The following ARFGEF3 variants were observed in gnomAD, a reference collection of about 807,000 sequenced individuals.
ARFGEF3 encodes ARFGEF family member 3, also known as brefeldin A-inhibited guanine nucleotide-exchange protein 3.
Under a neutral mutation model 221.7 loss-of-function variants are expected in ARFGEF3, and 96 were observed. The observed-to-expected ratio is 0.43, with a 90% CI of 0.37 to 0.51. The LOEUF (loss-of-function observed/expected upper bound fraction) is 0.51. Ranked by LOEUF, ARFGEF3 falls within the 20% of genes least tolerant of loss-of-function variation. ARFGEF3 has a pLI of 0.00. For synonymous variants in ARFGEF3, 1,145 were observed against 1,126.8 expected (o/e 1.02, Z -0.32); for missense variants, 2,410 against 2,789.9 (o/e 0.86, Z 3.07).
intron 2 of ARFGEF3, among the ~76,000 whole-genome samples, chr6:138,172,610 G>A (rs1776858965): frequency 6.6e-6 from 1 of 152,166 alleles, no homozygotes; most frequent in African/African-American, 2.4e-5. Flanking sequence ...GCTATAAGAT[G>A]ATAGATGAAA....
At chr6:138,221,256 T>C (rs560731576) in intron 4 of ARFGEF3, among the ~76,000 whole-genome samples, 1 of 152,194 alleles carries the variant, frequency 6.6e-6, no homozygotes, top group Non-Finnish European at 1.5e-5. Context: ...TGATGTCCCA[T>C]TGGTCATTTC....
chr6:138,296,833 C>T lies in ARFGEF3; in HGVS notation c.3526C>T (p.Arg1176Ter), dbSNP rs768617151. The stretch of plus-strand genomic sequence containing the variant: ...AGGAGAAGTTAAATCCACTCAAGAC[C>T]GAAAAAGCGCCCTCCACCTGTTCCG... ...MPGEVKSTQD[R>*]KSALHLFRLG... The change falls in exon 21 of 34, where the codon CGA (arginine) becomes TGA (stop). Residue 1176 changes from arginine (R) to a stop codon, truncating the protein, a stop_gained. Coordinates refer to ENST00000251691, the MANE Select transcript of ARFGEF3 (RefSeq NM_020340.5). LOFTEE classifies it high-confidence loss of function. The T allele has an allele frequency of 6.2e-7, 1 of 1,613,772 alleles. No homozygotes were observed. Among genetic ancestry groups the T allele is most frequent in the Non-Finnish European group, 8.5e-7 (1 of 1,179,828 alleles).
chr6:138,185,636 G>C (rs6915323), intron 2 of ARFGEF3, among the ~76,000 whole-genome samples: 2,414 of 152,298 alleles, frequency 0.016, 34 homozygotes, highest in Middle Eastern at 0.058. Flanking sequence ...ATATGGAGGA[G>C]AGCTGAGACA....
At chr6:138,311,953 C>T (rs1338045655) in intron 25 of ARFGEF3, among the ~76,000 whole-genome samples, 1 of 152,106 alleles carries the variant, frequency 6.6e-6, no homozygotes, top group African/African-American at 2.4e-5. Flanking sequence ...GTCAGGAGTT[C>T]AAGACCAGCC....
At chr6:138,178,572 G>C (rs186354124) in intron 2 of ARFGEF3, among the ~76,000 whole-genome samples, 11 of 152,090 alleles carry the variant, frequency 7.2e-5, no homozygotes, top group Non-Finnish European at 1.5e-4. Context: ...CATCAACCAC[G>C]TTGGCAGTTG....
intron 10 of ARFGEF3, among the ~76,000 whole-genome samples, chr6:138,260,445 T>A (rs767247753): frequency 4.6e-5 from 7 of 152,204 alleles, no homozygotes; most frequent in Non-Finnish European, 1.0e-4. Context: ...ACTTGACATT[T>A]TCTATAGACT....
chr6:138,328,637 C>G (rs2114691128), intron 32 of ARFGEF3, among the ~76,000 whole-genome samples: 1 of 152,094 alleles, frequency 6.6e-6, no homozygotes, highest in African/African-American at 2.4e-5. Context: ...TCTGAGGTAC[C>G]AGGGGTTAGG....
intron 26 of ARFGEF3, among the ~76,000 whole-genome samples, chr6:138,315,653 C>T (rs1042431890): frequency 4.6e-5 from 7 of 152,064 alleles, no homozygotes; most frequent in Admixed American, 1.3e-4. Context: ...AGTTCAAGAC[C>T]AGCCTGGCCA....
Position 138,261,537 on chromosome 6 carries a change from GC to G in ARFGEF3, c.1118del (p.Pro373HisfsTer39). 1 of 1,562,964 alleles carries G rather than the reference GC, an allele frequency of 6.4e-7. No individual in the cohort carries two copies. The highest frequency in any genetic ancestry group is 8.7e-7 in the Non-Finnish European group (1 of 1,152,302). On this transcript the variant is annotated frameshift_variant, in exon 11 of 34. Transcript: ENST00000251691. LOFTEE classifies it high-confidence loss of function. ...AIKIMKEILG[S>X]PQRLCDLAGP... ...ACCTTTTTCTTTAAGATACTTGGGA[GC>G]CCACAGCGTCTCTGTGACTTGGCAG...
chr6:138,280,767 T>C (rs924539145), intron 14 of ARFGEF3, among the ~76,000 whole-genome samples: 1 of 152,044 alleles, frequency 6.6e-6, no homozygotes, highest in Non-Finnish European at 1.5e-5. Context: ...AGAAGAATCA[T>C]TTGAACCCGG....
chr6:138,227,401 T>C (rs1438452460), intron 4 of ARFGEF3, among the ~76,000 whole-genome samples: 1 of 152,218 alleles, frequency 6.6e-6, no homozygotes, highest in East Asian at 1.9e-4. Flanking sequence ...CAAACACTTC[T>C]TCCTAAACCT....
chr6:138,226,721 A>C (rs1778091151), intron 4 of ARFGEF3, among the ~76,000 whole-genome samples: 1 of 152,228 alleles, frequency 6.6e-6, no homozygotes, highest in African/African-American at 2.4e-5. Flanking sequence ...CTCATTATGC[A>C]ATGGAAGTCA....
chr6:138,229,740 C>G (rs773045341), intron 4 of ARFGEF3, 44 bp from the exon 5 acceptor site: 3 of 1,460,796 alleles, frequency 2.1e-6, no homozygotes, highest in Non-Finnish European at 2.9e-6. Context: ...AATTTCCATA[C>G]TGTTAACCCC....
chr6:138,295,587 A>G (rs1490468836), intron 20 of ARFGEF3, among the ~76,000 whole-genome samples: 1 of 150,776 alleles, frequency 6.6e-6, no homozygotes, highest in Non-Finnish European at 1.5e-5. Flanking sequence ...CTGAGATTGC[A>G]CCACTGCACT....
chr6:138,221,880 T>G (rs1185369673), intron 4 of ARFGEF3, among the ~76,000 whole-genome samples: 1 of 152,200 alleles, frequency 6.6e-6, no homozygotes, highest in Non-Finnish European at 1.5e-5. Flanking sequence ...CTAAAAAATC[T>G]CTCAGAATAG....
At chr6:138,227,199 G>A (rs1444198130) in intron 4 of ARFGEF3, among the ~76,000 whole-genome samples, 3 of 152,106 alleles carry the variant, frequency 2.0e-5, no homozygotes, top group Non-Finnish European at 4.4e-5. Flanking sequence ...GTTGTTGCAG[G>A]GAGGTCTCCC....
intron 12 of ARFGEF3, among the ~76,000 whole-genome samples, chr6:138,269,072 A>G (rs1301968007): frequency 1.3e-5 from 2 of 152,166 alleles, no homozygotes; most frequent in Non-Finnish European, 2.9e-5. Context: ...ATCACCAGGG[A>G]GCCCCCATTA....
intron 20 of ARFGEF3, among the ~76,000 whole-genome samples, chr6:138,296,014 G>A (rs182164475): frequency 1.3e-5 from 2 of 152,330 alleles, no homozygotes; most frequent in East Asian, 3.9e-4. Context: ...TGAGCAGGGA[G>A]AGAGCGGGGA....
rs9484120 is a variant in ARFGEF3 at position 138,165,748 on chromosome 6, T to C, written c.85+3577T>C. Among the ~76,000 whole-genome samples, 276 of 151,944 alleles carry C rather than the reference T, an allele frequency of 1.8e-3. 2 individuals carry two copies. The highest frequency in any genetic ancestry group is 6.3e-3 in the African/African-American group (260 of 41,450). On this transcript the variant is annotated intron_variant, in intron 1 of 33. Coordinates refer to ENST00000251691, the MANE Select transcript of ARFGEF3 (RefSeq NM_020340.5). ...TGAGAGACTGAGACTGAGACCCCCA[T>C]AGGAGAGAGGGTCATCCGACTCTGA... is the stretch of plus-strand genomic sequence containing the variant.
Sources: allele counts gnomAD v4.1 joint callset (sites outside exome capture counted in the v4.1 genomes callset), GRCh38; gene constraint gnomAD v4.1.1; transcripts MANE v1.5; gene names NCBI Gene and HGNC (gene_info 2026-07-23, HGNC 2026-07-21).